The following TMEM225B variants were observed in gnomAD, a reference collection of about 807,000 sequenced individuals.
The protein encoded by TMEM225B is transmembrane protein 225B.
In TMEM225B, 10 loss-of-function variants were observed where a neutral mutation model predicts 16.9. That is an observed-to-expected ratio of 0.59 (90% CI 0.36 to 1.00). The LOEUF (loss-of-function observed/expected upper bound fraction) is 1.00. TMEM225B is among the 50% of genes least tolerant of loss of function. The pLI, the probability that TMEM225B is intolerant of heterozygous loss-of-function variation, is 0.01. For synonymous variants in TMEM225B, 92 were observed against 109.8 expected, an observed-to-expected ratio of 0.84 and a Z score of 1.01; for missense variants, 217 against 267.0, an observed-to-expected ratio of 0.81 and a Z score of 1.30.
chr7:99,605,028 AACAAC>A (rs1177690547), intron 3 of TMEM225B, among the ~76,000 whole-genome samples: 3 of 151,280 alleles, frequency 2.0e-5, no homozygotes, highest in African/African-American at 7.4e-5. Context: ...CAACAACAAC[AACAAC>A]AAAACACAAA....
At position 99,606,959 on chromosome 7, in the gene TMEM225B, G is replaced by C. The variant is rs924316431; in HGVS notation, c.355+65G>C. On this transcript the variant is annotated intron_variant, in intron 4 of 5. Transcript: ENST00000431679. ...CTGGGGAGGAGTCCAGAGAAAGAGG[G>C]GTGCTCAGTCTCTGTGATGTCAAAA... The C allele has an allele frequency of 2.7e-6, 4 of 1,500,180 alleles. No individual in the cohort carries two copies. In the East Asian group the frequency reaches 9.8e-5, roughly 37 times the overall value. 92.9% of individuals were successfully genotyped at this position (1,500,180 alleles called of 1,614,324 possible).
rs769617190 is a variant in TMEM225B at position 99,599,125 on chromosome 7, ATTTTTTTTTTTT to A, written c.-85+756_-85+767del. On this transcript the variant is annotated intron_variant, in intron 1 of 5. Transcript: ENST00000431679. ...CAGGCGCCCCCACCACGCCTGGCTA[ATTTTTTTTTTTT>A]TTTTTTTTTTTGTATTTTTAGTAGA... 4.3e-5 allele frequency among the ~76,000 whole-genome samples: 5 copies of A among 115,508 alleles called. 1 individual carries two copies. The Middle Eastern group carries it at 0.017, about 385-fold the overall frequency. 75.8% of individuals were successfully genotyped at this position (115,508 alleles called of 152,430 possible).
At chr7:99,607,381 T>C (rs1805908728) in intron 4 of TMEM225B, among the ~76,000 whole-genome samples, 1 of 152,076 alleles carries the variant, frequency 6.6e-6, no homozygotes, top group Non-Finnish European at 1.5e-5. Flanking sequence ...GAAAATGGGA[T>C]TGCATTTAAT....
chr7:99,608,858 T>TATATATATACACACAC (rs536627768), intron 5 of TMEM225B, among the ~76,000 whole-genome samples: 10 of 144,388 alleles, frequency 6.9e-5, no homozygotes, highest in African/African-American at 2.8e-4. Flanking sequence ...TATATATATA[T>TATATATATACACACAC]ACACACACAC....
intron 4 of TMEM225B, among the ~76,000 whole-genome samples, chr7:99,607,186 G>T (rs1053807335): frequency 1.3e-5 from 2 of 151,958 alleles, no homozygotes; most frequent in African/African-American, 4.8e-5. Flanking sequence ...TAGAGATGGG[G>T]ATCTCGCTAT....
chr7:99,610,779 G>A lies in TMEM225B; in HGVS notation c.*214G>A. On this transcript the variant is annotated 3_prime_UTR_variant, in exon 6 of 6. Coordinates refer to ENST00000431679, the MANE Select transcript of TMEM225B (RefSeq NM_001195541.3). ...CTTTCAACTCTTCTGAGCTTCCTAA[G>A]TGACGTTTTTGCAGGTATTTTCAAT... The A allele has an allele frequency of 2.3e-6, 1 of 429,588 alleles. No homozygotes were observed. The highest frequency in any genetic ancestry group is 4.2e-6 in the Non-Finnish European group (1 of 240,678). The allele number at this position is 429,588 out of a possible 1,614,324, so 26.6% of individuals were successfully genotyped here. A position where few individuals can be genotyped will look rare whatever the true frequency, so the allele number is the denominator to read the frequency against.
chr7:99,610,608 G>A lies in TMEM225B; in HGVS notation c.*43G>A. 1 of 1,510,644 alleles carries A rather than the reference G, an allele frequency of 6.6e-7. No individual in the cohort carries two copies. Among genetic ancestry groups the A allele is most frequent in the African/African-American group, 1.4e-5 (1 of 72,652 alleles). 93.6% of individuals were successfully genotyped at this position (1,510,644 alleles called of 1,614,324 possible). A position where few individuals can be genotyped will look rare whatever the true frequency, so the allele number is the denominator to read the frequency against. On this transcript the variant is annotated 3_prime_UTR_variant, in exon 6 of 6. Transcript: ENST00000431679. ...TTACCCTTCTTCAAGCCATGTGAGT[G>A]TACACATGTAGCTGTTTGTAGTCCT...
chr7:99,605,541 A>G (rs142873176), intron 3 of TMEM225B: 8 of 134,194 alleles, frequency 6.0e-5, no homozygotes, highest in South Asian at 7.2e-4. Flanking sequence ...CGATCCTCCC[A>G]CCTTAGCCTC....
Position 99,600,297 on chromosome 7 carries a change from G to T in TMEM225B, c.-4+12G>T. On this transcript the variant is annotated intron_variant, in intron 2 of 5. Transcript: ENST00000431679. Reference sequence around the variant, plus strand: ...GAGTGGGGCGACCTGTAAGTGCACAGTGAATTTTTGCTGAGGGAGTGGCTG... The same window carrying T: ...GAGTGGGGCGACCTGTAAGTGCACATTGAATTTTTGCTGAGGGAGTGGCTG... 1 of 702,930 alleles carries T rather than the reference G, an allele frequency of 1.4e-6. No homozygotes were observed. Among genetic ancestry groups the T allele is most frequent in the South Asian group, 1.5e-5 (1 of 67,592 alleles). 43.5% of individuals were successfully genotyped at this position (702,930 alleles called of 1,614,324 possible). A position where few individuals can be genotyped will look rare whatever the true frequency, so the allele number is the denominator to read the frequency against.
In TMEM225B at chr7:99,606,663, G is replaced by A. The variant is rs921196033; in HGVS notation, c.209-85G>A. The A allele has an allele frequency of 2.2e-6, 3 of 1,343,126 alleles. No individual in the cohort carries two copies. The African/African-American group carries it at 4.4e-5, about 20-fold the overall frequency. 83.2% of individuals were successfully genotyped at this position (1,343,126 alleles called of 1,614,324 possible). On this transcript the variant is annotated intron_variant, in intron 3 of 5. Coordinates refer to ENST00000431679, the MANE Select transcript of TMEM225B (RefSeq NM_001195541.3). ...ATCTAAGGGTGGTGGAGGCTCCGGG[G>A]GCCAGCCCTGCCCAGGCTCTGAGGG...
chr7:99,602,923 G>C lies in TMEM225B; in HGVS notation c.-3-1463G>C, dbSNP rs1805482205. Among the ~76,000 whole-genome samples the C allele has an allele frequency of 2.6e-5, 4 of 152,092 alleles. No individual in the cohort carries two copies. In the South Asian group the frequency reaches 8.3e-4, roughly 32 times the overall value. ...TTGTGGAGACTGGTCTGACTGTGTTGCCTAGGCTGGTCTCAAAACTCCTGA... is the reference window on the plus strand; with the variant it reads ...TTGTGGAGACTGGTCTGACTGTGTTCCCTAGGCTGGTCTCAAAACTCCTGA... On this transcript the variant is annotated intron_variant, in intron 2 of 5. Coordinates refer to ENST00000431679, the MANE Select transcript of TMEM225B (RefSeq NM_001195541.3).
Position 99,598,308 on chromosome 7 carries a change from C to CG in TMEM225B, c.-157dup. 1 of 152,244 alleles carries CG rather than the reference C, an allele frequency of 6.6e-6. No homozygotes were observed. The highest frequency in any genetic ancestry group is 1.9e-4 in the East Asian group (1 of 5,182). The allele number at this position is 152,244 out of a possible 1,614,324, so 9.4% of individuals were successfully genotyped here. On this transcript the variant is annotated 5_prime_UTR_variant, in exon 1 of 6. Transcript: ENST00000431679. ...GCGCGGTGGAGCCTGGAGTGGAGGG[C>CG]GAGGGTCCCACCGTGACCCGCCTGG...
Position 99,603,758 on chromosome 7 carries a change from ATT to A in TMEM225B, c.-3-618_-3-617del, listed in dbSNP as rs58835664. The stretch of plus-strand genomic sequence containing the variant: ...TTTTTTCTTTTTTTTAAATTATTTA[ATT>A]TTTTTTTTTGTTTTTTTTTGAGACA... On this transcript the variant is annotated intron_variant, in intron 2 of 5. Coordinates refer to ENST00000431679, the MANE Select transcript of TMEM225B (RefSeq NM_001195541.3). Among the ~76,000 whole-genome samples, 313 of 143,852 alleles carry A rather than the reference ATT, an allele frequency of 2.2e-3. 1 individual carries two copies. Among genetic ancestry groups the A allele is most frequent in the African/African-American group, 7.8e-3 (299 of 38,350 alleles). The allele number at this position is 143,852 out of a possible 152,430, so 94.4% of individuals were successfully genotyped here.
chr7:99,609,310 T>C (rs1334988630), intron 5 of TMEM225B, among the ~76,000 whole-genome samples: 1 of 152,244 alleles, frequency 6.6e-6, no homozygotes, highest in South Asian at 2.1e-4. Flanking sequence ...TTCTCTCACA[T>C]TTTATTTAAA....
At chr7:99,600,116 C>T (rs900497481) in intron 1 of TMEM225B, 89 bp from the exon 2 acceptor site, 1 of 686,230 alleles carries the variant, frequency 1.5e-6, no homozygotes. Context: ...GGGGTAGTGC[C>T]CTGGGGTATA....
chr7:99,608,825 GTGTGTGTGTGCACGTATA>G (rs1806065741), intron 5 of TMEM225B, among the ~76,000 whole-genome samples: 1 of 134,214 alleles, frequency 7.5e-6, no homozygotes, highest in African/African-American at 3.3e-5. Flanking sequence ...ATACATATAT[GTGTGTGTGTGCACGTATA>G]TATATATATA....
At chr7:99,604,631 G>A in intron 3 of TMEM225B, 35 bp downstream of exon 3, 2 of 1,488,428 alleles carry the variant, frequency 1.3e-6, no homozygotes, top group Non-Finnish European at 9.1e-7. Flanking sequence ...GAGAGAGAGG[G>A]AGATGGGGCC....
At chr7:99,605,479 C>T (rs1025032779) in intron 3 of TMEM225B, 2 of 143,740 alleles carry the variant, frequency 1.4e-5, no homozygotes, top group African/African-American at 5.2e-5. Context: ...CGCTTTGTCA[C>T]CCAGGCTGGT....
At chr7:99,605,472 T>G (rs2151208025) in intron 3 of TMEM225B, 1 of 143,274 alleles carries the variant, frequency 7.0e-6, no homozygotes. Flanking sequence ...AGGATCTCGC[T>G]TTGTCACCCA....
Sources: allele counts gnomAD v4.1 joint callset (sites outside exome capture counted in the v4.1 genomes callset), GRCh38; gene constraint gnomAD v4.1.1; transcripts MANE v1.5; gene names NCBI Gene and HGNC (gene_info 2026-07-23, HGNC 2026-07-21).